DAB1: variants seen among roughly 807,000 people sequenced by gnomAD.
The protein encoded by DAB1 is disabled homolog 1.
Under a neutral mutation model 64.6 loss-of-function variants are expected in DAB1, and 15 were observed. That is an observed-to-expected ratio of 0.23 (90% CI 0.16 to 0.36). The LOEUF (loss-of-function observed/expected upper bound fraction) is 0.36, where lower values mean the gene tolerates loss of function less well. Among genes scored for constraint, DAB1 ranks in the 10% least tolerant of loss-of-function variants. The probability of loss-of-function intolerance (pLI) is 1.00; values close to 1 mark genes in which losing one functional copy is unlikely to be tolerated. For missense variants in DAB1, 596 were observed against 706.7 expected, an observed-to-expected ratio of 0.84 and a Z score of 1.78; for synonymous variants, 235 against 251.9, an observed-to-expected ratio of 0.93 and a Z score of 0.64.
intron 4 of DAB1, among the ~76,000 whole-genome samples, chr1:58,292,301 A>T: frequency 6.6e-6 from 1 of 152,200 alleles, no homozygotes; most frequent in South Asian, 2.1e-4. Context: ...AGAGGAAAAG[A>T]TGGAGAGATG....
At chr1:58,487,221 A>G (rs1041481702) in intron 3 of DAB1, among the ~76,000 whole-genome samples, 3 of 152,232 alleles carry the variant, frequency 2.0e-5, no homozygotes, top group African/African-American at 7.2e-5. Context: ...GTACTTGTTA[A>G]AGCAGTCAAG....
chr1:58,418,137 C>T (rs1189670563), intron 3 of DAB1, among the ~76,000 whole-genome samples: 1 of 152,178 alleles, frequency 6.6e-6, no homozygotes, highest in South Asian at 2.1e-4. Flanking sequence ...ACCCTCTGCC[C>T]CTTCCCTATT....
At chr1:57,982,308 C>G (rs895870596) in intron 5 of DAB1, among the ~76,000 whole-genome samples, 1 of 152,200 alleles carries the variant, frequency 6.6e-6, no homozygotes, top group Non-Finnish European at 1.5e-5. Flanking sequence ...CCACATGAAG[C>G]AGAGAAGTCA....
intron 4 of DAB1, among the ~76,000 whole-genome samples, chr1:58,158,624 G>GC: frequency 6.6e-6 from 1 of 152,226 alleles, no homozygotes; most frequent in African/African-American, 2.4e-5. Flanking sequence ...ACTGCAGCTC[G>GC]CGTTTCCTTA....
In DAB1 at chr1:58,520,987, A is replaced by G. The variant is rs189269285; in HGVS notation, n.107+6274T>C. ...TGACATCCACAGAACACCACCCGCA[A>G]TGGCAGGATCCACTTTCAAGTGCAC... On this transcript the variant is annotated intron_variant and non_coding_transcript_variant, in intron 2 of 20. Coordinates refer to the DAB1 transcript ENST00000485760. Among the ~76,000 whole-genome samples, 3 of 152,306 alleles carry G rather than the reference A, an allele frequency of 2.0e-5. No individual in the cohort carries two copies. In the East Asian group the frequency reaches 5.8e-4, roughly 29 times the overall value.
intron 1 of DAB1, among the ~76,000 whole-genome samples, chr1:57,404,956 A>G (rs1203520906): frequency 6.6e-6 from 1 of 152,242 alleles, no homozygotes; most frequent in Non-Finnish European, 1.5e-5. Context: ...ATAAATATTT[A>G]TGACATTCAC....
intron 3 of DAB1, among the ~76,000 whole-genome samples, chr1:58,411,717 T>TTC (rs1244477123): frequency 6.6e-6 from 1 of 152,178 alleles, no homozygotes; most frequent in Non-Finnish European, 1.5e-5. Context: ...AAGGAAGGGA[T>TTC]ATGACCTAGC....
chr1:57,046,579 G>C (rs1648524713), intron 9 of DAB1, among the ~76,000 whole-genome samples: 1 of 152,200 alleles, frequency 6.6e-6, no homozygotes, highest in South Asian at 2.1e-4. Flanking sequence ...GGATATTTAT[G>C]GGGAAACTGT....
At chr1:57,990,564 A>C (rs1646318761) in intron 5 of DAB1, among the ~76,000 whole-genome samples, 1 of 152,236 alleles carries the variant, frequency 6.6e-6, no homozygotes, top group South Asian at 2.1e-4. Context: ...GAGCAGAGGG[A>C]GGGGCCTGAC....
intron 6 of DAB1, among the ~76,000 whole-genome samples, chr1:57,717,838 T>A (rs1323420017): frequency 1.3e-5 from 2 of 152,074 alleles, no homozygotes; most frequent in Non-Finnish European, 2.9e-5. Context: ...TGGAGGACAT[T>A]ATGTTAGGTT....
At chr1:58,049,333 G>A (rs567975661) in intron 5 of DAB1, 24 of 633,628 alleles carry the variant, frequency 3.8e-5, no homozygotes, top group Admixed American at 3.1e-4. Flanking sequence ...CTTCTTCGGC[G>A]GCATCCACGG....
intron 7 of DAB1, among the ~76,000 whole-genome samples, chr1:57,521,329 G>A (rs1644523414): frequency 1.3e-5 from 2 of 152,104 alleles, no homozygotes; most frequent in African/African-American, 4.8e-5. Flanking sequence ...GCTGCTATGA[G>A]GGATGCACAA....
At chr1:57,570,503 CT>C (rs1323722396) in intron 7 of DAB1, among the ~76,000 whole-genome samples, 20 of 151,960 alleles carry the variant, frequency 1.3e-4, no homozygotes, top group Non-Finnish European at 2.1e-4. Flanking sequence ...TGGCTTTATT[CT>C]GGGTTCTCTT....
At chr1:57,528,086 A>T (rs1322074322) in intron 7 of DAB1, among the ~76,000 whole-genome samples, 2 of 152,172 alleles carry the variant, frequency 1.3e-5, no homozygotes, top group Non-Finnish European at 2.9e-5. Context: ...CACAAATTAG[A>T]ACTTTAACTA....
chr1:58,537,992 T>A (rs72672239), intron 1 of DAB1, among the ~76,000 whole-genome samples: 7,334 of 152,242 alleles, frequency 0.048, 224 homozygotes, highest in African/African-American at 0.063. Flanking sequence ...CAACCAATAG[T>A]CAATACAGCT....
At chr1:58,495,000 CA>C (rs1004934325) in intron 3 of DAB1, among the ~76,000 whole-genome samples, 2 of 152,128 alleles carry the variant, frequency 1.3e-5, no homozygotes, top group Admixed American at 1.3e-4. Flanking sequence ...TTCACAATAG[CA>C]AAGACTTGGA....
Position 58,415,640 on chromosome 1 carries a change from T to C in DAB1, n.258-72237A>G, listed in dbSNP as rs920773831. 2.0e-5 allele frequency among the ~76,000 whole-genome samples: 3 copies of C among 152,376 alleles called. 1 individual carries two copies. The highest frequency in any genetic ancestry group is 6.8e-3 in the Middle Eastern group (2 of 294). The stretch of plus-strand genomic sequence containing the variant: ...CTTTGAGAACTATATTTACATAGCA[T>C]GGAATTTCTCTTCCTCCCTACCCAT... On this transcript the variant is annotated intron_variant and non_coding_transcript_variant, in intron 3 of 20. Transcript: ENST00000485760.
chr1:57,043,871 G>T (rs887136287), intron 9 of DAB1, among the ~76,000 whole-genome samples: 1 of 151,760 alleles, frequency 6.6e-6, no homozygotes, highest in African/African-American at 2.4e-5. Context: ...AATCAGATGA[G>T]GTCTCTTATT....
At chr1:57,911,427 C>T (rs1644642391) in intron 5 of DAB1, among the ~76,000 whole-genome samples, 1 of 152,184 alleles carries the variant, frequency 6.6e-6, no homozygotes, top group African/African-American at 2.4e-5. Flanking sequence ...TCCCATATTT[C>T]TTCACAGTGT....
Sources: gnomAD v4.1 joint callset for allele counts (sites outside exome capture counted in the v4.1 genomes callset) on GRCh38, gnomAD v4.1.1 for gene constraint, MANE v1.5 for transcripts, NCBI Gene and HGNC (gene_info 2026-07-23, HGNC 2026-07-21) for gene names.